Variants in PLEKHG1 observed in about 807,000 individuals in gnomAD.
The protein encoded by PLEKHG1 is pleckstrin homology and RhoGEF domain containing G1.
In PLEKHG1, 44 loss-of-function variants were observed where a neutral mutation model predicts 100.8. That is an observed-to-expected ratio of 0.44 (90% CI 0.34 to 0.56). The LOEUF is 0.56. Ranked by LOEUF, PLEKHG1 falls within the 20% of genes least tolerant of loss-of-function variation. The pLI is 0.01. For synonymous variants in PLEKHG1, 640 were observed against 662.5 expected, an observed-to-expected ratio of 0.97 and a Z score of 0.52; for missense variants, 1,545 against 1,720.9, an observed-to-expected ratio of 0.90 and a Z score of 1.81.
At chr6:150,605,568 T>C (rs1776568028) in intron 1 of PLEKHG1, 1 of 152,176 alleles carries the variant, frequency 6.6e-6, no homozygotes, top group Non-Finnish European at 1.5e-5. Context: ...TCCTGACCAA[T>C]ACAAGAGAGA....
chr6:150,802,359 C>T (rs1162750938), intron 6 of PLEKHG1, among the ~76,000 whole-genome samples: 1 of 152,126 alleles, frequency 6.6e-6, no homozygotes, highest in African/African-American at 2.4e-5. Context: ...CACATCTCTG[C>T]TGAATTCTGT....
intron 15 of PLEKHG1, among the ~76,000 whole-genome samples, chr6:150,837,227 G>T (rs1423347448): frequency 6.6e-6 from 1 of 150,712 alleles, no homozygotes; most frequent in East Asian, 1.9e-4. Flanking sequence ...AATACAAATT[G>T]TGTGTGTCTG....
chr6:150,774,297 T>C (rs1237107188), intron 3 of PLEKHG1, among the ~76,000 whole-genome samples: 2 of 152,210 alleles, frequency 1.3e-5, no homozygotes, highest in Non-Finnish European at 2.9e-5. Flanking sequence ...AGTGTGATGT[T>C]TGCTATGGAT....
At chr6:150,625,252 A>G (rs902685011) in intron 1 of PLEKHG1, among the ~76,000 whole-genome samples, 2 of 152,214 alleles carry the variant, frequency 1.3e-5, no homozygotes, top group African/African-American at 2.4e-5. Context: ...CTTCAATGAC[A>G]GAAATATATT....
chr6:150,676,203 C>T (rs936169164), intron 3 of PLEKHG1, among the ~76,000 whole-genome samples: 1 of 152,156 alleles, frequency 6.6e-6, no homozygotes, highest in Non-Finnish European at 1.5e-5. Context: ...AAAATATGCA[C>T]AGCAACAATT....
At chr6:150,805,651 C>G (rs892432835) in intron 7 of PLEKHG1, among the ~76,000 whole-genome samples, 1 of 152,066 alleles carries the variant, frequency 6.6e-6, no homozygotes, top group African/African-American at 2.4e-5. Flanking sequence ...CCTCAGCCTC[C>G]TTGGTAGTTG....
intron 2 of PLEKHG1, among the ~76,000 whole-genome samples, chr6:150,644,334 G>GTTTTGTTTT (rs1554255839): frequency 4.3e-5 from 5 of 117,602 alleles, no homozygotes; most frequent in African/African-American, 1.7e-4. Context: ...TTCTTTTCGT[G>GTTTTGTTTT]TTTTTTTTTT....
intron 3 of PLEKHG1, among the ~76,000 whole-genome samples, chr6:150,661,520 A>C (rs1049811212): frequency 3.3e-5 from 5 of 152,206 alleles, no homozygotes; most frequent in Non-Finnish European, 4.4e-5. Flanking sequence ...CACAGAGCCT[A>C]TTTAACTCAT....
intron 2 of PLEKHG1, among the ~76,000 whole-genome samples, chr6:150,762,700 A>T (rs1230644901): frequency 6.6e-6 from 1 of 152,128 alleles, no homozygotes; most frequent in Non-Finnish European, 1.5e-5. Context: ...CAGTGGCCGG[A>T]GACCACCATT....
At chr6:150,792,750 G>A (rs1786072631) in intron 4 of PLEKHG1, among the ~76,000 whole-genome samples, 1 of 152,104 alleles carries the variant, frequency 6.6e-6, no homozygotes, top group Admixed American at 6.6e-5. Context: ...AATGATGATT[G>A]CCCTACAGCA....
At chr6:150,763,024 C>T (rs74733307) in intron 2 of PLEKHG1, among the ~76,000 whole-genome samples, 75 of 76,470 alleles carry the variant, frequency 9.8e-4, no homozygotes, top group Middle Eastern at 0.012. Flanking sequence ...GATAAAGCTT[C>T]TTTTTTTTTT....
chr6:150,757,546 G>C (rs1340796240), intron 2 of PLEKHG1, among the ~76,000 whole-genome samples: 4 of 150,340 alleles, frequency 2.7e-5, no homozygotes, highest in Non-Finnish European at 5.9e-5. Flanking sequence ...CAGATTGTCT[G>C]TGGTGCACAC....
intron 3 of PLEKHG1, among the ~76,000 whole-genome samples, chr6:150,668,415 G>C (rs763637017): frequency 6.6e-6 from 1 of 152,148 alleles, no homozygotes; most frequent in Non-Finnish European, 1.5e-5. Context: ...TAAGTTTCTG[G>C]AATTTTTGTA....
chr6:150,647,291 G>A (rs943927000), intron 2 of PLEKHG1, among the ~76,000 whole-genome samples: 5 of 152,202 alleles, frequency 3.3e-5, no homozygotes, highest in African/African-American at 1.2e-4. Context: ...GGTCTCTTTC[G>A]TGGGTAATTG....
chr6:150,639,800 G>A (rs1459486883), intron 2 of PLEKHG1, among the ~76,000 whole-genome samples: 1 of 152,126 alleles, frequency 6.6e-6, no homozygotes, highest in African/African-American at 2.4e-5. Flanking sequence ...AATGCATGTC[G>A]GAAAGCAATG....
chr6:150,762,458 G>GA (rs1239292403), intron 2 of PLEKHG1, among the ~76,000 whole-genome samples: 1 of 151,856 alleles, frequency 6.6e-6, no homozygotes, highest in East Asian at 1.9e-4. Flanking sequence ...CTCGGCCTCA[G>GA]AAAGTACTGG....
At position 150,603,188 on chromosome 6, in the gene PLEKHG1, G is replaced by A. The variant is rs189869263; in HGVS notation, c.-204+3171G>A. Among the ~76,000 whole-genome samples the A allele has an allele frequency of 2.0e-5, 3 of 152,152 alleles. No homozygotes were observed. In the South Asian group the frequency reaches 6.2e-4, roughly 32 times the overall value. On this transcript the variant is annotated intron_variant, in intron 1 of 3. Transcript: ENST00000367326. Reference sequence around the variant, plus strand: ...GCGAAATGTTGGTGTATTCAGGCAGGGATGGGAAGGAAAACATTTTTTAGA... The same window carrying A: ...GCGAAATGTTGGTGTATTCAGGCAGAGATGGGAAGGAAAACATTTTTTAGA...
At chr6:150,762,254 A>G (rs1338987327) in intron 2 of PLEKHG1, among the ~76,000 whole-genome samples, 2 of 149,954 alleles carry the variant, frequency 1.3e-5, no homozygotes, top group Non-Finnish European at 3.0e-5. Context: ...CAGTGGCGCA[A>G]TCTCAGCTCA....
intron 3 of PLEKHG1, among the ~76,000 whole-genome samples, chr6:150,667,704 T>C (rs1212846167): frequency 6.6e-6 from 1 of 152,234 alleles, no homozygotes; most frequent in African/African-American, 2.4e-5. Flanking sequence ...TACCCGGTTT[T>C]CCTCACACAC....
Sources: allele counts gnomAD v4.1 joint callset (sites outside exome capture counted in the v4.1 genomes callset), GRCh38; gene constraint gnomAD v4.1.1; transcripts MANE v1.5; gene names NCBI Gene and HGNC (gene_info 2026-07-23, HGNC 2026-07-21).